Variants in SLC12A8 observed in about 807,000 individuals in gnomAD.
The protein encoded by SLC12A8 is solute carrier family 12 member 8, also known as cation-chloride cotransporter 9.
A neutral mutation model predicts 75.6 loss-of-function variants in SLC12A8; 69 were observed. The observed-to-expected ratio is 0.91, with a 90% CI of 0.75 to 1.11. SLC12A8 has a LOEUF of 1.11. Among genes scored for constraint, SLC12A8 ranks in the 50% most tolerant of loss-of-function variants. SLC12A8 has a pLI of 0.00. For synonymous variants in SLC12A8, 365 were observed against 372.8 expected, an observed-to-expected ratio of 0.98 and a Z score of 0.24; for missense variants, 877 against 896.7, an observed-to-expected ratio of 0.98 and a Z score of 0.28.
chr3:125,146,887 T>A (rs779196355), intron 5 of SLC12A8, among the ~76,000 whole-genome samples: 33 of 152,200 alleles, frequency 2.2e-4, no homozygotes, highest in Non-Finnish European at 3.8e-4. Context: ...AGGCCCTTCC[T>A]CCACGAGAAG....
At chr3:125,127,852 T>A (rs573849160) in intron 6 of SLC12A8, among the ~76,000 whole-genome samples, 1 of 152,288 alleles carries the variant, frequency 6.6e-6, no homozygotes, top group South Asian at 2.1e-4. Context: ...TAAATAAAAT[T>A]ACAAAAAATA....
intron 8 of SLC12A8, 126 bp downstream of exon 8, chr3:125,118,643 T>C: frequency 1.6e-6 from 1 of 640,398 alleles, no homozygotes; most frequent in South Asian, 2.0e-5. Context: ...AATAAATTAA[T>C]TAAATTTTAA....
intron 2 of SLC12A8, among the ~76,000 whole-genome samples, chr3:125,210,127 CT>C (rs1291985579): frequency 6.6e-6 from 1 of 152,198 alleles, no homozygotes; most frequent in Non-Finnish European, 1.5e-5. Context: ...TCTTAGGGCA[CT>C]TATGACAATT....
At chr3:125,095,988 C>T (rs2107734687) in intron 10 of SLC12A8, among the ~76,000 whole-genome samples, 1 of 152,348 alleles carries the variant, frequency 6.6e-6, no homozygotes. Context: ...CGCCTTCCAT[C>T]ACACTCACAA....
intron 5 of SLC12A8, among the ~76,000 whole-genome samples, chr3:125,145,959 G>C (rs1161904054): frequency 1.3e-5 from 2 of 152,132 alleles, no homozygotes; most frequent in East Asian, 3.8e-4. Flanking sequence ...CTCCTGACTA[G>C]CTGAGACAAC....
chr3:125,203,381 A>G (rs1293073146), intron 2 of SLC12A8, among the ~76,000 whole-genome samples: 1 of 152,230 alleles, frequency 6.6e-6, no homozygotes, highest in African/African-American at 2.4e-5. Context: ...ATATTGGTAT[A>G]GAAACAGACA....
intron 2 of SLC12A8, chr3:125,206,574 C>G (rs905044264): frequency 3.3e-5 from 5 of 152,284 alleles, no homozygotes; most frequent in African/African-American, 1.2e-4. Flanking sequence ...ACCAAGCTAA[C>G]TCAGGTAAGC....
chr3:125,098,592 A>ACACG (rs1462285217), intron 10 of SLC12A8, among the ~76,000 whole-genome samples: 3 of 150,712 alleles, frequency 2.0e-5, no homozygotes, highest in African/African-American at 7.3e-5. Context: ...ACACACACAC[A>ACACG]CACGTATAAA....
intron 8 of SLC12A8, among the ~76,000 whole-genome samples, chr3:125,111,129 A>C (rs1939176636): frequency 6.6e-6 from 1 of 152,140 alleles, no homozygotes; most frequent in Non-Finnish European, 1.5e-5. Context: ...TTAGGATAGC[A>C]CCTATCGTGG....
intron 2 of SLC12A8, among the ~76,000 whole-genome samples, chr3:125,207,941 T>C (rs1444524128): frequency 6.6e-6 from 1 of 152,202 alleles, no homozygotes; most frequent in African/African-American, 2.4e-5. Flanking sequence ...CTTCCACATA[T>C]GGCATCTCCT....
chr3:125,190,591 CAGG>C lies in SLC12A8; in HGVS notation c.52-73_52-71del. 3.2e-6 allele frequency: 5 copies of C among 1,564,748 alleles called. No individual in the cohort carries two copies. In the South Asian group the frequency reaches 4.7e-5, roughly 15 times the overall value. ...GGCCAGGGATGGCATGAGAGTGGAA[CAGG>C]AGGAGGGAGGTAGGAGAACTCAGCT... On this transcript the variant is annotated intron_variant, in intron 2 of 13. Coordinates refer to ENST00000469902, the MANE Select transcript of SLC12A8 (RefSeq NM_024628.6).
intron 5 of SLC12A8, among the ~76,000 whole-genome samples, chr3:125,147,457 C>T (rs372902624): frequency 1.2e-4 from 19 of 152,278 alleles, no homozygotes; most frequent in East Asian, 3.9e-4. Context: ...CTTTGCAAGC[C>T]GTTGTGTGCC....
At chr3:125,154,011 G>C (rs1034479181) in intron 5 of SLC12A8, among the ~76,000 whole-genome samples, 5 of 152,194 alleles carry the variant, frequency 3.3e-5, no homozygotes, top group Admixed American at 2.0e-4. Context: ...GCCTCCCAAA[G>C]TGCTGGGACT....
In SLC12A8 at chr3:125,104,315, C is replaced by T. The variant is rs536504811; in HGVS notation, c.1705+3166G>A. Among the ~76,000 whole-genome samples the T allele has an allele frequency of 4.0e-5, 6 of 151,570 alleles. No homozygotes were observed. In the South Asian group the frequency reaches 1.3e-3, roughly 32 times the overall value. On this transcript the variant is annotated intron_variant, in intron 10 of 13. Coordinates refer to ENST00000469902, the MANE Select transcript of SLC12A8 (RefSeq NM_024628.6). ...GTAGATATGGGGTCTCACTGTGTTGCCCAGGCTGATCTTGAACTCCTGGCC... is the reference window on the plus strand; with the variant it reads ...GTAGATATGGGGTCTCACTGTGTTGTCCAGGCTGATCTTGAACTCCTGGCC...
intron 10 of SLC12A8, among the ~76,000 whole-genome samples, chr3:125,102,384 T>C (rs1459621167): frequency 6.6e-6 from 1 of 152,188 alleles, no homozygotes; most frequent in Non-Finnish European, 1.5e-5. Context: ...GAACGTAGGT[T>C]AGGGCTGCAT....
At chr3:125,135,061 C>T (rs367663568) in intron 6 of SLC12A8, among the ~76,000 whole-genome samples, 3 of 152,318 alleles carry the variant, frequency 2.0e-5, no homozygotes, top group East Asian at 3.9e-4. Flanking sequence ...CCTACAGGGA[C>T]CTTGGCTGTG....
rs1333713788 is a variant in SLC12A8, at chr3:125,110,253, G to C, written c.995C>G (p.Pro332Arg). The change falls in exon 9 of 14, where the codon CCC (proline) becomes CGC (arginine). Residue 332 changes from proline (P) to arginine (R), a missense_variant. Physicochemically the swap from Pro to Arg is moderately radical, Grantham distance 103. Coordinates refer to ENST00000469902, the MANE Select transcript of SLC12A8 (RefSeq NM_024628.6). Reference sequence around the variant, plus strand: ...CTGGGCAATGCACTGCAGGATGCGGGGAGCTCCATAAAGTCCTCCCATGCA... The same window carrying C: ...CTGGGCAATGCACTGCAGGATGCGGCGAGCTCCATAAAGTCCTCCCATGCA... ...ASCMGGLYGA[P>R]RILQCIAQEK... 1.9e-6 allele frequency: 3 copies of C among 1,613,896 alleles called. No homozygotes were observed. The highest frequency in any genetic ancestry group is 2.5e-6 in the Non-Finnish European group (3 of 1,179,950).
At chr3:125,138,852 ACAC>A (rs1205888584) in intron 5 of SLC12A8, among the ~76,000 whole-genome samples, 22 of 66,748 alleles carry the variant, frequency 3.3e-4, no homozygotes, top group Middle Eastern at 9.4e-3. Flanking sequence ...CAAAACACAC[ACAC>A]ACACACACAC....
chr3:125,187,271 C>T lies in SLC12A8; in HGVS notation c.356G>A (p.Gly119Glu), dbSNP rs779420448. 1.2e-6 allele frequency: 2 copies of T among 1,614,080 alleles called. No individual in the cohort carries two copies. The highest frequency in any genetic ancestry group is 1.3e-5 in the African/African-American group (1 of 74,930). The change falls in exon 4 of 14, where the codon GGA becomes GAA. Residue 119 changes from glycine to glutamate, a missense_variant. Gly to Glu is a moderately conservative substitution (Grantham distance 98, BLOSUM62 -2). Coordinates refer to ENST00000469902, the MANE Select transcript of SLC12A8 (RefSeq NM_024628.6). ...CACATAGAGCAGCCCGATGGTGCCT[C>T]CCGTCTGCCCACCCAGGACCGAGGA... ...MISSVLGGQT[G>E]GTIGLLYVFG...
Sources: gnomAD v4.1 joint callset for allele counts (sites outside exome capture counted in the v4.1 genomes callset) on GRCh38, gnomAD v4.1.1 for gene constraint, MANE v1.5 for transcripts, NCBI Gene and HGNC (gene_info 2026-07-23, HGNC 2026-07-21) for gene names.